P2RY1: variants seen among roughly 807,000 people sequenced by gnomAD.
The protein encoded by P2RY1 is P2Y purinoceptor 1.
Under a neutral mutation model 22.8 loss-of-function variants are expected in P2RY1, and 14 were observed. That is an observed-to-expected ratio of 0.61 (90% confidence interval 0.41 to 0.96). P2RY1 has a LOEUF of 0.96. Among genes scored for constraint, P2RY1 ranks in the 40% least tolerant of loss-of-function variants. The probability of loss-of-function intolerance (pLI) is 0.00; values close to 1 mark genes in which losing one functional copy is unlikely to be tolerated. For synonymous variants in P2RY1, 200 were observed against 195.1 expected, an observed-to-expected ratio of 1.03 and a Z score of -0.21; for missense variants, 395 against 470.3, an observed-to-expected ratio of 0.84 and a Z score of 1.48.
chr3:152,836,784 A>T lies in P2RY1; in HGVS notation c.1002A>T (p.Arg334Ser). 6.2e-7 allele frequency: 1 copy of T among 1,613,332 alleles called. No individual in the cohort carries two copies. The highest frequency in any genetic ancestry group is 8.5e-7 in the Non-Finnish European group (1 of 1,179,902). Residue 334 changes from arginine to serine, a missense_variant, in exon 1 of 1, where the codon AGA becomes AGT. By Grantham distance (110) the Arg-to-Ser change is moderately radical. Coordinates refer to ENST00000305097, the MANE Select transcript of P2RY1 (RefSeq NM_002563.5). The surrounding 1 kb of genome is among the most constrained non-coding windows in gnomAD (Gnocchi z 5.6). The part of the protein sequence containing the change: ...YFLAGDTFRR[R>S]LSRATRKASR... ...TGGCGGGAGATACTTTCAGAAGGAG[A>T]CTCTCCCGAGCCACAAGGAAAGCTT...
chr3:152,835,796 T>C lies in P2RY1; in HGVS notation c.14T>C (p.Leu5Pro). MTEV[L>P]WPAVPNGTDA... ...GAGGAGGAGAGAATGACCGAGGTGC[T>C]GTGGCCGGCTGTCCCCAACGGGACG... The change falls in exon 1 of 1, where the codon CTG (leucine) becomes CCG (proline). Residue 5 changes from leucine to proline, a missense_variant. By Grantham distance (98) the Leu-to-Pro change is moderately conservative. Transcript: ENST00000305097. The C allele has an allele frequency of 1.2e-6, 2 of 1,604,012 alleles. No homozygotes were observed. The highest frequency in any genetic ancestry group is 8.5e-7 in the Non-Finnish European group (1 of 1,176,654).
rs1280343520 is a variant in P2RY1 at position 152,840,826 on chromosome 3, ATAACT to A, written c.*3926_*3930del. 1 of 152,092 alleles carries A rather than the reference ATAACT, an allele frequency of 6.6e-6. No homozygotes were observed. The highest frequency in any genetic ancestry group is 6.5e-5 in the Admixed American group (1 of 15,270). The allele number at this position is 152,092 out of a possible 1,614,324, so 9.4% of individuals were successfully genotyped here. ...TAATCTGTTTTTTTTTGTTTAGTTGATAACTTAAATTCCAAGTTTCATAGTGATAA... is the reference window on the plus strand; with the variant it reads ...TAATCTGTTTTTTTTTGTTTAGTTGATAAATTCCAAGTTTCATAGTGATAA... On this transcript the variant is annotated 3_prime_UTR_variant, in exon 1 of 1. Coordinates refer to ENST00000305097, the MANE Select transcript of P2RY1 (RefSeq NM_002563.5).
In P2RY1 at chr3:152,837,054, C is replaced by A; in HGVS notation, c.*150C>A. The A allele has an allele frequency of 1.6e-6, 1 of 637,776 alleles. No individual in the cohort carries two copies. The highest frequency in any genetic ancestry group is 2.7e-6 in the Non-Finnish European group (1 of 363,996). The allele number at this position is 637,776 out of a possible 1,614,324, so 39.5% of individuals were successfully genotyped here. On this transcript the variant is annotated 3_prime_UTR_variant, in exon 1 of 1. Transcript: ENST00000305097. ...AAAAAATAATAGAAGTAGAAATGCC[C>A]ACATCCACACTTAGCTTGTTTGGGT...
chr3:152,835,488 G>T lies in P2RY1; in HGVS notation c.-295G>T. The T allele has an allele frequency of 4.8e-6, 2 of 421,000 alleles. No homozygotes were observed. Among genetic ancestry groups the T allele is most frequent in the Non-Finnish European group, 8.4e-6 (2 of 236,970 alleles). 26.1% of individuals were successfully genotyped at this position (421,000 alleles called of 1,614,324 possible). ...AAAGCGCAGTCGGAAAGTTATCCGC[G>T]GCGGTTCCCTGCGCGCCCTGTTGTG... On this transcript the variant is annotated 5_prime_UTR_variant, in exon 1 of 1. Transcript: ENST00000305097.
chr3:152,836,968 A>G lies in P2RY1; in HGVS notation c.*64A>G, dbSNP rs1182711731. The G allele has an allele frequency of 7.8e-7, 1 of 1,288,560 alleles. No individual in the cohort carries two copies. Among genetic ancestry groups the G allele is most frequent in the Admixed American group, 2.3e-5 (1 of 43,298 alleles). The allele number at this position is 1,288,560 out of a possible 1,614,324, so 79.8% of individuals were successfully genotyped here. ...GGTAGGATGCTTAACAGAATCAAGT[A>G]CTTTTCCCCTCTTTAACTTTCTAGT... On this transcript the variant is annotated 3_prime_UTR_variant, in exon 1 of 1. Transcript: ENST00000305097. This position sits in a 1 kb window ranked among gnomAD's most constrained non-coding sequence, Gnocchi z 5.6.
rs766253716 is a variant in P2RY1 at position 152,835,904 on chromosome 3, A to C, written c.122A>C (p.Lys41Thr). 22 of 1,614,156 alleles carry C rather than the reference A, an allele frequency of 1.4e-5. No homozygotes were observed. Among genetic ancestry groups the C allele is most frequent in the Non-Finnish European group, 1.8e-5 (21 of 1,180,034 alleles). Residue 41 changes from lysine to threonine, a missense_variant, in exon 1 of 1, where the codon AAA becomes ACA. Lys to Thr is a moderately conservative substitution (Grantham distance 78). This residue lies in a region of P2RY1 where 98 missense variants were observed against 87.7 expected (regional missense o/e 1.12). Coordinates refer to ENST00000305097, the MANE Select transcript of P2RY1 (RefSeq NM_002563.5). ...ASTAAVSSSF[K>T]CALTKTGFQF... ...ACTGCCGCCGTCTCCTCGTCGTTCA[A>C]ATGCGCCTTGACCAAGACGGGCTTC...
At position 152,836,542 on chromosome 3, in the gene P2RY1, C is replaced by T; in HGVS notation, c.760C>T (p.Leu254=). Residue 254 remains leucine (L), a synonymous_variant, in exon 1 of 1, where the codon CTG becomes TTG. Coordinates refer to ENST00000305097, the MANE Select transcript of P2RY1 (RefSeq NM_002563.5). This position sits in a 1 kb window ranked among gnomAD's most constrained non-coding sequence, Gnocchi z 5.6. ...TTACAAAGATCTGGACAACTCTCCT[C>T]TGAGGAGAAAATCGATTTACCTGGT... is the stretch of plus-strand genomic sequence containing the variant. The part of the protein sequence containing the change: ...LIYKDLDNSP[L]RRKSIYLVII... 6.2e-7 allele frequency: 1 copy of T among 1,614,078 alleles called. No homozygotes were observed. Among genetic ancestry groups the T allele is most frequent in the Admixed American group, 1.7e-5 (1 of 60,000 alleles).
In P2RY1 at chr3:152,835,675, C is replaced by T. The variant is rs1716133397; in HGVS notation, c.-108C>T. Reference sequence around the variant, plus strand: ...CTCCCGCGGGGATCCAGTTCGCCTGCTCCCTTCCGCTCGCTGGCTTTTCCG... The same window carrying T: ...CTCCCGCGGGGATCCAGTTCGCCTGTTCCCTTCCGCTCGCTGGCTTTTCCG... On this transcript the variant is annotated 5_prime_UTR_variant, in exon 1 of 1. Transcript: ENST00000305097. 2 of 1,122,566 alleles carry T rather than the reference C, an allele frequency of 1.8e-6. No homozygotes were observed. The highest frequency in any genetic ancestry group is 2.5e-6 in the Non-Finnish European group (2 of 810,382). The allele number at this position is 1,122,566 out of a possible 1,614,324, so 69.5% of individuals were successfully genotyped here.
In P2RY1 at chr3:152,836,188, T is replaced by A. The variant is rs757564785; in HGVS notation, c.406T>A (p.Tyr136Asn). Residue 136 changes from tyrosine to asparagine, a missense_variant, in exon 1 of 1, where the codon TAT becomes AAT. Around this residue, in one of 3 missense-constraint regions of P2RY1, gnomAD observed 291 missense variants for 361.6 expected, o/e 0.80. Transcript: ENST00000305097. The surrounding 1 kb of genome is among the most constrained non-coding windows in gnomAD (Gnocchi z 5.6). ...LQRFIFHVNL[Y>N]GSILFLTCIS... Reference sequence around the variant, plus strand: ...GAGGTTCATCTTTCATGTGAACCTCTATGGCAGCATCTTGTTTCTGACATG... The same window carrying A: ...GAGGTTCATCTTTCATGTGAACCTCAATGGCAGCATCTTGTTTCTGACATG... 1.2e-6 allele frequency: 2 copies of A among 1,614,210 alleles called. No individual in the cohort carries two copies. Among genetic ancestry groups the A allele is most frequent in the Admixed American group, 3.3e-5 (2 of 60,026 alleles).
At position 152,837,114 on chromosome 3, in the gene P2RY1, G is replaced by A. The variant is rs2108027685; in HGVS notation, c.*210G>A. 1.8e-6 allele frequency: 1 copy of A among 562,898 alleles called. No homozygotes were observed. Among genetic ancestry groups the A allele is most frequent in the Non-Finnish European group, 3.2e-6 (1 of 311,776 alleles). 34.9% of individuals were successfully genotyped at this position (562,898 alleles called of 1,614,324 possible). ...CAGTCTCTCTTCCTTCTGACTAGAAGTATGTATAATAAAACAATACTACCT... is the reference window on the plus strand; with the variant it reads ...CAGTCTCTCTTCCTTCTGACTAGAAATATGTATAATAAAACAATACTACCT... On this transcript the variant is annotated 3_prime_UTR_variant, in exon 1 of 1. Coordinates refer to ENST00000305097, the MANE Select transcript of P2RY1 (RefSeq NM_002563.5).
In P2RY1 at chr3:152,836,546, G is replaced by A; in HGVS notation, c.764G>A (p.Arg255Lys). 2 of 1,614,150 alleles carry A rather than the reference G, an allele frequency of 1.2e-6. No homozygotes were observed. The highest frequency in any genetic ancestry group is 2.7e-5 in the African/African-American group (2 of 75,034). The stretch of plus-strand genomic sequence containing the variant: ...AAAGATCTGGACAACTCTCCTCTGA[G>A]GAGAAAATCGATTTACCTGGTAATC... ...IYKDLDNSPL[R>K]RKSIYLVIIV... The change falls in exon 1 of 1, where the codon AGG becomes AAG. Residue 255 changes from arginine to lysine, a missense_variant. Physicochemically the swap from Arg to Lys is conservative, Grantham distance 26. Transcript: ENST00000305097. This position sits in a 1 kb window ranked among gnomAD's most constrained non-coding sequence, Gnocchi z 5.6.
Position 152,841,221 on chromosome 3 carries a change from A to G in P2RY1, c.*4317A>G, listed in dbSNP as rs73020230. On this transcript the variant is annotated 3_prime_UTR_variant, in exon 1 of 1. Transcript: ENST00000305097. ...TTAATAAAAGGAAAGTACATTTCCT[A>G]TAATAGCATAGTACTGTTTGCATGT... is the stretch of plus-strand genomic sequence containing the variant. 585 of 152,178 alleles carry G rather than the reference A, an allele frequency of 3.8e-3. 2 individuals are homozygous for G. Among genetic ancestry groups the G allele is most frequent in the African/African-American group, 0.014 (563 of 41,514 alleles). 9.4% of individuals were successfully genotyped at this position (152,178 alleles called of 1,614,324 possible).
In P2RY1 at chr3:152,835,564, C is replaced by G. The variant is rs1716128923; in HGVS notation, c.-219C>G. ...AGAAGTTGCTGGCTTGCCCGATAGCCCAGTTCGGTGGCGGCCCGGGGCGGA... is the reference window on the plus strand; with the variant it reads ...AGAAGTTGCTGGCTTGCCCGATAGCGCAGTTCGGTGGCGGCCCGGGGCGGA... On this transcript the variant is annotated 5_prime_UTR_variant, in exon 1 of 1. Coordinates refer to ENST00000305097, the MANE Select transcript of P2RY1 (RefSeq NM_002563.5). The G allele has an allele frequency of 1.8e-6, 1 of 553,488 alleles. No individual in the cohort carries two copies. Among genetic ancestry groups the G allele is most frequent in the Non-Finnish European group, 3.1e-6 (1 of 318,240 alleles). 34.3% of individuals were successfully genotyped at this position (553,488 alleles called of 1,614,324 possible). A position where few individuals can be genotyped will look rare whatever the true frequency, so the allele number is the denominator to read the frequency against.
At position 152,837,743 on chromosome 3, in the gene P2RY1, T is replaced by A. The variant is rs1190442755; in HGVS notation, c.*839T>A. 1 of 167,110 alleles carries A rather than the reference T, an allele frequency of 6.0e-6. No homozygotes were observed. Among genetic ancestry groups the A allele is most frequent in the Non-Finnish European group, 1.5e-5 (1 of 68,128 alleles). 10.4% of individuals were successfully genotyped at this position (167,110 alleles called of 1,614,324 possible). A position where few individuals can be genotyped will look rare whatever the true frequency, so the allele number is the denominator to read the frequency against. On this transcript the variant is annotated 3_prime_UTR_variant, in exon 1 of 1. Transcript: ENST00000305097. ...GCAATGCCTTAGGACTTTGTTTGTGTTCCAGGACAAGTGTTCACTCACATC... is the reference window on the plus strand; with the variant it reads ...GCAATGCCTTAGGACTTTGTTTGTGATCCAGGACAAGTGTTCACTCACATC...
Position 152,838,790 on chromosome 3 carries a change from A to T in P2RY1, c.*1886A>T, listed in dbSNP as rs935676780. On this transcript the variant is annotated 3_prime_UTR_variant, in exon 1 of 1. Transcript: ENST00000305097. ...TAGGATTATAGAAACCAAATCAAGA[A>T]GAAACCTACTACACCTCCTTATTTT... The T allele has an allele frequency of 6.6e-6, 1 of 152,236 alleles. No homozygotes were observed. Among genetic ancestry groups the T allele is most frequent in the African/African-American group, 2.4e-5 (1 of 41,478 alleles). 9.4% of individuals were successfully genotyped at this position (152,236 alleles called of 1,614,324 possible). A position where few individuals can be genotyped will look rare whatever the true frequency, so the allele number is the denominator to read the frequency against.
chr3:152,835,746 A>G lies in P2RY1; in HGVS notation c.-37A>G, dbSNP rs1716136278. On this transcript the variant is annotated 5_prime_UTR_variant, in exon 1 of 1. Transcript: ENST00000305097. ...CGCCGCTGCCCTCTCGCCGCCTCCTACCCCTCGGAGCCGCCGCCTAAGTCG... is the reference window on the plus strand; with the variant it reads ...CGCCGCTGCCCTCTCGCCGCCTCCTGCCCCTCGGAGCCGCCGCCTAAGTCG... The G allele has an allele frequency of 1.3e-6, 2 of 1,531,824 alleles. No homozygotes were observed. Among genetic ancestry groups the G allele is most frequent in the Admixed American group, 2.0e-5 (1 of 50,190 alleles). 94.9% of individuals were successfully genotyped at this position (1,531,824 alleles called of 1,614,324 possible). A position where few individuals can be genotyped will look rare whatever the true frequency, so the allele number is the denominator to read the frequency against.
rs146245030 is a variant in P2RY1 at position 152,835,725 on chromosome 3, G to T, written c.-58G>T. ...GATGCTTGCTGCGCCCCTGGCCGCC[G>T]CTGCCCTCTCGCCGCCTCCTACCCC... is the stretch of plus-strand genomic sequence containing the variant. On this transcript the variant is annotated 5_prime_UTR_variant, in exon 1 of 1. Coordinates refer to ENST00000305097, the MANE Select transcript of P2RY1 (RefSeq NM_002563.5). The T allele has an allele frequency of 2.2e-4, 328 of 1,480,102 alleles. 1 individual carries two copies. The East Asian group carries it at 4.1e-3, about 19-fold the overall frequency. The allele number at this position is 1,480,102 out of a possible 1,614,324, so 91.7% of individuals were successfully genotyped here.
In P2RY1 at chr3:152,837,317, T is replaced by G. The variant is rs1716190519; in HGVS notation, c.*413T>G. 5.6e-6 allele frequency: 1 copy of G among 177,910 alleles called. No homozygotes were observed. 11.0% of individuals were successfully genotyped at this position (177,910 alleles called of 1,614,324 possible). A position where few individuals can be genotyped will look rare whatever the true frequency, so the allele number is the denominator to read the frequency against. ...TTTATTGTTTTTTTAAAATCCACAG[T>G]AGGAATAAAAAATCTATATTCTCAG... On this transcript the variant is annotated 3_prime_UTR_variant, in exon 1 of 1. Transcript: ENST00000305097.
At position 152,836,623 on chromosome 3, in the gene P2RY1, A is replaced by G. The variant is rs770603063; in HGVS notation, c.841A>G (p.Thr281Ala). The change falls in exon 1 of 1, where the codon ACG becomes GCG. Residue 281 changes from threonine (T) to alanine (A), a missense_variant. By Grantham distance (58) the Thr-to-Ala change is moderately conservative (BLOSUM62 0). Around this residue, in one of 3 missense-constraint regions of P2RY1, gnomAD observed 291 missense variants for 361.6 expected, o/e 0.80. Coordinates refer to ENST00000305097, the MANE Select transcript of P2RY1 (RefSeq NM_002563.5). The surrounding 1 kb of genome is among the most constrained non-coding windows in gnomAD (Gnocchi z 5.6). ...TTACATCCCTTTCCATGTGATGAAA[A>G]CGATGAACTTGAGGGCCCGGCTTGA... ...VSYIPFHVMK[T>A]MNLRARLDFQ... 10 of 1,614,154 alleles carry G rather than the reference A, an allele frequency of 6.2e-6. No homozygotes were observed. The highest frequency in any genetic ancestry group is 1.7e-5 in the Admixed American group (1 of 60,014).
Sources: allele counts gnomAD v4.1 joint callset, GRCh38; gene constraint gnomAD v4.1.1; regional missense constraint gnomAD v4.1.1; non-coding constraint Gnocchi (gnomAD v3.1); transcripts MANE v1.5; gene names NCBI Gene and HGNC (gene_info 2026-07-23, HGNC 2026-07-21).